RNF17: variants seen among roughly 807,000 people sequenced by gnomAD.
RNF17 encodes the protein spermatogenesis associated 23.
RNF17 carries 31 observed loss-of-function variants against 200.5 expected under a neutral mutation model. That is an observed-to-expected ratio of 0.15 (90% CI 0.12 to 0.21). The LOEUF is 0.21. RNF17 is among the 10% of genes least tolerant of loss of function. The probability of loss-of-function intolerance (pLI) is 1.00; values close to 1 mark genes in which losing one functional copy is unlikely to be tolerated. For synonymous variants in RNF17, 606 were observed against 637.8 expected (o/e 0.95, Z 0.75); for missense variants, 1,628 against 1,905.1 (o/e 0.85, Z 2.71).
At position 24,862,812 on chromosome 13, in the gene RNF17, A is replaced by G. The variant is rs568395819; in HGVS notation, c.3975+19A>G. Reference sequence around the variant, plus strand: ...CATTATGGTAATTTAAAGTATATATAGTTGTTATAAATTACTTGCCATAAA... The same window carrying G: ...CATTATGGTAATTTAAAGTATATATGGTTGTTATAAATTACTTGCCATAAA... On this transcript the variant is annotated intron_variant, in intron 28 of 35. Transcript: ENST00000255324. The G allele has an allele frequency of 1.3e-4, 178 of 1,365,750 alleles. No individual in the cohort carries two copies. The highest frequency in any genetic ancestry group is 1.8e-4 in the Non-Finnish European group (175 of 962,144). 84.6% of individuals were successfully genotyped at this position (1,365,750 alleles called of 1,614,324 possible). A position where few individuals can be genotyped will look rare whatever the true frequency, so the allele number is the denominator to read the frequency against.
the RNF17 span, among the ~76,000 whole-genome samples, chr13:24,754,167 T>TG: frequency 6.8e-6 from 1 of 146,604 alleles, no homozygotes; most frequent in Admixed American, 6.8e-5. Flanking sequence ...AAAATAAAAT[T>TG]AAAAAAAAAA....
chr13:24,844,664 G>T lies in RNF17; in HGVS notation c.2844G>T (p.Lys948Asn). Residue 948 changes from lysine to asparagine, a missense_variant, in exon 21 of 36, where the codon AAG becomes AAT. This residue lies in a region of RNF17 where 227 missense variants were observed against 319.8 expected (regional missense o/e 0.71). Transcript: ENST00000255324. ...TENLLNSLEEKMIAAYENSKW... is the reference protein window; with the variant it reads ...TENLLNSLEENMIAAYENSKW... Reference sequence around the variant, plus strand: ...TTTATCTCTATAGTTTAGAAGAAAAGATGATAGCTGCTTATGAAAACTCAA... The same window carrying T: ...TTTATCTCTATAGTTTAGAAGAAAATATGATAGCTGCTTATGAAAACTCAA... 1 of 1,596,446 alleles carries T rather than the reference G, an allele frequency of 6.3e-7. No individual in the cohort carries two copies. The highest frequency in any genetic ancestry group is 8.6e-7 in the Non-Finnish European group (1 of 1,165,594).
chr13:24,758,219 A>G, the RNF17 span, among the ~76,000 whole-genome samples: 1 of 152,210 alleles, frequency 6.6e-6, no homozygotes, highest in Admixed American at 6.5e-5. Flanking sequence ...TTCCAGGAAG[A>G]TCATTTCATT....
Position 24,831,946 on chromosome 13 carries a change from C to G in RNF17, c.2450C>G (p.Ala817Gly), listed in dbSNP as rs1424141553. The change falls in exon 18 of 36, where the codon GCT becomes GGT. Residue 817 changes from alanine (A) to glycine (G), a missense_variant. Ala to Gly is a moderately conservative substitution (Grantham distance 60). Around this residue, in one of 5 missense-constraint regions of RNF17, gnomAD observed 227 missense variants for 319.8 expected, o/e 0.71. Coordinates refer to ENST00000255324, the MANE Select transcript of RNF17 (RefSeq NM_031277.3). ...KEAKEKFEEKAQDKFMTCSVI... is the reference protein window; with the variant it reads ...KEAKEKFEEKGQDKFMTCSVI... ...GCTAAAGAAAAATTTGAAGAAAAGG[C>G]TCAAGATAAATTTATGACATGTTCA... 6.3e-7 allele frequency: 1 copy of G among 1,596,726 alleles called. No individual in the cohort carries two copies. The highest frequency in any genetic ancestry group is 2.2e-5 in the East Asian group (1 of 44,548).
At chr13:24,796,425 T>G in intron 11 of RNF17, 130 bp downstream of exon 11, 1 of 545,160 alleles carries the variant, frequency 1.8e-6, no homozygotes, top group Non-Finnish European at 2.9e-6. Context: ...CATAAAAGTT[T>G]TAGGATTATT....
intron 22 of RNF17, among the ~76,000 whole-genome samples, chr13:24,847,153 G>T (rs184218280): frequency 6.6e-6 from 1 of 151,918 alleles, no homozygotes; most frequent in Admixed American, 6.6e-5. Flanking sequence ...ACTAGGACAG[G>T]CATTGTATGA....
At chr13:24,852,468 G>A (rs1180605044) in intron 24 of RNF17, among the ~76,000 whole-genome samples, 3 of 152,110 alleles carry the variant, frequency 2.0e-5, no homozygotes, top group Non-Finnish European at 4.4e-5. Flanking sequence ...AGATTTAGAG[G>A]TATGTTGGAA....
chr13:24,796,274 C>A lies in RNF17; in HGVS notation c.1378C>A (p.Pro460Thr). 1 of 1,599,776 alleles carries A rather than the reference C, an allele frequency of 6.3e-7. No homozygotes were observed. Among genetic ancestry groups the A allele is most frequent in the South Asian group, 1.1e-5 (1 of 87,414 alleles). The change falls in exon 11 of 36, where the codon CCT (proline) becomes ACT (threonine). Residue 460 changes from proline to threonine, a missense_variant. Coordinates refer to ENST00000255324, the MANE Select transcript of RNF17 (RefSeq NM_031277.3). ...EFCNRSSHLD[P>T]SDILELGARI... is the part of the protein sequence containing the mutation. ...TTGCAATAGGAGTTCACACCTTGAT[C>A]CTTCAGACATTTTGGAACTAGGTAA...
intron 19 of RNF17, among the ~76,000 whole-genome samples, chr13:24,842,701 A>G (rs1489101114): frequency 3.9e-5 from 6 of 152,108 alleles, no homozygotes; most frequent in Admixed American, 3.3e-4. Flanking sequence ...GTCAAGACAA[A>G]GAATTCTTGC....
intron 15 of RNF17, among the ~76,000 whole-genome samples, chr13:24,817,593 C>T (rs1458156885): frequency 6.6e-6 from 1 of 151,944 alleles, no homozygotes; most frequent in African/African-American, 2.4e-5. Context: ...GTGGTGGGCA[C>T]CTGTAGTCCC....
intron 15 of RNF17, among the ~76,000 whole-genome samples, chr13:24,812,378 G>GT (rs900898024): frequency 2.4e-4 from 36 of 152,012 alleles, no homozygotes; most frequent in African/African-American, 8.4e-4. Context: ...GAAAAGTGCA[G>GT]TATTCGGGTG....
At chr13:24,844,596 G>A in intron 20 of RNF17, 56 bp from the exon 21 acceptor site, 1 of 1,362,940 alleles carries the variant, frequency 7.3e-7, no homozygotes, top group Non-Finnish European at 1.0e-6. Flanking sequence ...GAAACATGTA[G>A]CCAGAGAATT....
upstream of RNF17, among the ~76,000 whole-genome samples, chr13:24,763,386 T>A (rs1187893742): frequency 1.3e-5 from 2 of 148,176 alleles, no homozygotes; most frequent in African/African-American, 4.9e-5. Flanking sequence ...TTTTTTTTTT[T>A]TTTTGTATTT....
At chr13:24,819,861 A>G (rs1009391438) in intron 15 of RNF17, among the ~76,000 whole-genome samples, 6 of 152,180 alleles carry the variant, frequency 3.9e-5, no homozygotes, top group Admixed American at 3.3e-4. Flanking sequence ...ACTTTGAGGT[A>G]CTGTCTAGTG....
rs989932722 is a variant in RNF17 at position 24,805,018 on chromosome 13, G to A, written c.2091+589G>A. ...TGAATGTGGAGACCCTAACCACAGA[G>A]ATGAAGCATCTTGCCCAAGATCACA... is the stretch of plus-strand genomic sequence containing the variant. On this transcript the variant is annotated intron_variant, in intron 15 of 35. Transcript: ENST00000255324. 5.3e-5 allele frequency among the ~76,000 whole-genome samples: 8 copies of A among 152,118 alleles called. No homozygotes were observed. The East Asian group carries it at 1.3e-3, about 26-fold the overall frequency.
At chr13:24,794,724 T>TA (rs922187393) in intron 10 of RNF17, among the ~76,000 whole-genome samples, 2 of 151,828 alleles carry the variant, frequency 1.3e-5, no homozygotes, top group African/African-American at 4.8e-5. Context: ...TTCCCCCCAA[T>TA]AAAAAAAATA....
intron 28 of RNF17, among the ~76,000 whole-genome samples, chr13:24,863,642 A>G (rs1893331990): frequency 6.6e-6 from 1 of 152,242 alleles, no homozygotes; most frequent in Admixed American, 6.5e-5. Context: ...CACTTACATA[A>G]GAAAGTGGCT....
intron 15 of RNF17, among the ~76,000 whole-genome samples, chr13:24,805,915 GT>G (rs1453405126): frequency 1.3e-5 from 2 of 151,024 alleles, no homozygotes; most frequent in Non-Finnish European, 2.9e-5. Flanking sequence ...TATACTTTAA[GT>G]TCTGGGATAC....
chr13:24,887,192 C>CA, the RNF17 span, among the ~76,000 whole-genome samples: 1 of 152,108 alleles, frequency 6.6e-6, no homozygotes, highest in Non-Finnish European at 1.5e-5. Flanking sequence ...TTAGGTTCAT[C>CA]AAAAGATACT....
Sources: gnomAD v4.1 joint callset for allele counts (sites outside exome capture counted in the v4.1 genomes callset) on GRCh38, gnomAD v4.1.1 for gene constraint, gnomAD v4.1.1 regional missense constraint, MANE v1.5 for transcripts, NCBI Gene and HGNC (gene_info 2026-07-23, HGNC 2026-07-21) for gene names.